The following SGCD variants were observed in gnomAD, a reference collection of about 807,000 sequenced individuals.
The protein encoded by SGCD is delta-sarcoglycan.
Under a neutral mutation model 36.6 loss-of-function variants are expected in SGCD, and 18 were observed. That is an observed-to-expected ratio of 0.49 (90% confidence interval 0.34 to 0.73). SGCD has a LOEUF of 0.73. Ranked by LOEUF, SGCD falls within the 30% of genes least tolerant of loss-of-function variation. SGCD has a pLI of 0.01. For synonymous variants in SGCD, 133 were observed against 130.6 expected (o/e 1.02, Z -0.12); for missense variants, 387 against 346.7 (o/e 1.12, Z -0.92).
At chr5:155,933,502 G>C (rs1757137383) in intron 1 of SGCD, among the ~76,000 whole-genome samples, 1 of 152,174 alleles carries the variant, frequency 6.6e-6, no homozygotes, top group Admixed American at 6.5e-5. Context: ...TTTTAGAACA[G>C]AGCCTGGCAA....
At chr5:155,864,352 G>A in the SGCD span, among the ~76,000 whole-genome samples, 1 of 152,102 alleles carries the variant, frequency 6.6e-6, no homozygotes, top group African/African-American at 2.4e-5. Flanking sequence ...GCAGAGAAGA[G>A]GCATAATTTC....
intron 1 of SGCD, among the ~76,000 whole-genome samples, chr5:156,030,674 T>C (rs1759327547): frequency 6.6e-6 from 1 of 152,204 alleles, no homozygotes; most frequent in Middle Eastern, 3.4e-3. Flanking sequence ...TGAATGCTTT[T>C]GTTGTTCTGA....
chr5:156,346,325 G>C (rs1472157030), intron 3 of SGCD, among the ~76,000 whole-genome samples: 2 of 151,968 alleles, frequency 1.3e-5, no homozygotes, highest in Non-Finnish European at 2.9e-5. Context: ...TATAGGCAGG[G>C]TCTCACTTTT....
intron 1 of SGCD, among the ~76,000 whole-genome samples, chr5:155,894,821 G>A (rs948589871): frequency 6.6e-6 from 1 of 152,080 alleles, no homozygotes; most frequent in Non-Finnish European, 1.5e-5. Flanking sequence ...CTACATTATG[G>A]TGAGTTGTAT....
the SGCD span, among the ~76,000 whole-genome samples, chr5:155,823,318 A>T: frequency 6.6e-6 from 1 of 151,832 alleles, no homozygotes; most frequent in Non-Finnish European, 1.5e-5. Context: ...AAAAAAAAAA[A>T]AAAAAGGTCG....
At chr5:156,645,322 G>T (rs1306999268) in intron 6 of SGCD, among the ~76,000 whole-genome samples, 1 of 152,092 alleles carries the variant, frequency 6.6e-6, no homozygotes, top group Non-Finnish European at 1.5e-5. Flanking sequence ...AGGATGGGAT[G>T]GGGAAATTCA....
At chr5:155,763,600 A>G in the SGCD span, among the ~76,000 whole-genome samples, 2 of 152,318 alleles carry the variant, frequency 1.3e-5, no homozygotes, top group African/African-American at 4.8e-5. Flanking sequence ...AATAGACAAT[A>G]GAAAAAACTA....
chr5:155,850,192 C>T, the SGCD span, among the ~76,000 whole-genome samples: 13 of 152,268 alleles, frequency 8.5e-5, no homozygotes, highest in East Asian at 2.5e-3. Flanking sequence ...TGTAATGCAA[C>T]TTTGCTGACT....
At chr5:155,778,151 C>T in the SGCD span, among the ~76,000 whole-genome samples, 3 of 152,200 alleles carry the variant, frequency 2.0e-5, no homozygotes, top group Non-Finnish European at 4.4e-5. Context: ...TCACAAATGT[C>T]AAAGAATAGC....
chr5:156,304,479 A>G (rs74446760), intron 3 of SGCD, among the ~76,000 whole-genome samples: 1 of 152,174 alleles, frequency 6.6e-6, no homozygotes, highest in Non-Finnish European at 1.5e-5. Flanking sequence ...GCCTTCCACC[A>G]TGATTATGAG....
At position 156,052,937 on chromosome 5, in the gene SGCD, C is replaced by G. The variant is rs1759960054; in HGVS notation, c.-281-64941C>G. 1.4e-5 allele frequency among the ~76,000 whole-genome samples: 2 copies of G among 146,166 alleles called. 1 individual carries two copies. Among genetic ancestry groups the G allele is most frequent in the Non-Finnish European group, 3.1e-5 (2 of 64,842 alleles). On this transcript the variant is annotated intron_variant, in intron 1 of 9. Transcript: ENST00000517913. ...AATCACTGCTGGGTTTCCTCTTATGCAAGCTCTAGGACCAATGTGTTGTGC... is the reference window on the plus strand; with the variant it reads ...AATCACTGCTGGGTTTCCTCTTATGGAAGCTCTAGGACCAATGTGTTGTGC...
intron 3 of SGCD, among the ~76,000 whole-genome samples, chr5:156,156,326 C>T (rs1762962641): frequency 1.3e-5 from 2 of 151,474 alleles, no homozygotes; most frequent in South Asian, 4.1e-4. Flanking sequence ...AGCAGAATCC[C>T]ATGAATATTA....
intron 6 of SGCD, among the ~76,000 whole-genome samples, chr5:156,609,337 GA>G (rs1307610968): frequency 4.6e-5 from 7 of 152,172 alleles, no homozygotes; most frequent in Non-Finnish European, 7.3e-5. Context: ...ATGCTGGGTT[GA>G]AAATTCTTTA....
intron 7 of SGCD, among the ~76,000 whole-genome samples, chr5:156,756,755 G>C (rs990887702): frequency 6.6e-6 from 1 of 151,944 alleles, no homozygotes; most frequent in South Asian, 2.1e-4. Context: ...CAAATACATA[G>C]AGACCTGTAA....
intron 1 of SGCD, among the ~76,000 whole-genome samples, chr5:155,938,325 C>G (rs1024753144): frequency 2.0e-5 from 3 of 152,208 alleles, no homozygotes; most frequent in East Asian, 3.9e-4. Flanking sequence ...GGGGTCTGCC[C>G]CAGGATAAGA....
chr5:156,557,249 A>G (rs774271768), intron 4 of SGCD, among the ~76,000 whole-genome samples: 1 of 152,164 alleles, frequency 6.6e-6, no homozygotes, highest in Non-Finnish European at 1.5e-5. Flanking sequence ...CTCCATAGCA[A>G]CACCATCTGT....
chr5:155,746,541 T>G, the SGCD span, among the ~76,000 whole-genome samples: 1 of 152,188 alleles, frequency 6.6e-6, no homozygotes, highest in African/African-American at 2.4e-5. Flanking sequence ...CCTTGAGAGT[T>G]CTGTGTTGTG....
chr5:156,245,495 G>A (rs535681452), intron 3 of SGCD, among the ~76,000 whole-genome samples: 1 of 152,222 alleles, frequency 6.6e-6, no homozygotes, highest in East Asian at 1.9e-4. Flanking sequence ...TATAATGGTT[G>A]TATTGAACTA....
rs189045671 is a variant in SGCD, at chr5:156,585,018, A to C, written c.295-4213A>C. On this transcript the variant is annotated intron_variant, in intron 4 of 8. Coordinates refer to ENST00000337851, the MANE Select transcript of SGCD (RefSeq NM_000337.6). ...CCCCTTGCAGTGGTGACAGATGAAC[A>C]TGACCTCTCAAAGAAATCATTGAGA... 2.0e-3 allele frequency among the ~76,000 whole-genome samples: 298 copies of C among 152,354 alleles called. 1 individual carries two copies. The highest frequency in any genetic ancestry group is 0.01 in the Middle Eastern group (3 of 294).
Sources: allele counts gnomAD v4.1 joint callset (sites outside exome capture counted in the v4.1 genomes callset), GRCh38; gene constraint gnomAD v4.1.1; transcripts MANE v1.5; gene names NCBI Gene and HGNC (gene_info 2026-07-23, HGNC 2026-07-21).